Variants in GRIA4 observed in about 807,000 individuals in gnomAD.
The protein encoded by GRIA4 is glutamate receptor 4.
Under a neutral mutation model 104.0 loss-of-function variants are expected in GRIA4, and 34 were observed. The ratio of observed to expected loss-of-function variants is 0.33; its 90% CI spans 0.25 to 0.44. The LOEUF (loss-of-function observed/expected upper bound fraction) is 0.44. GRIA4 is among the 20% of genes least tolerant of loss of function. GRIA4 has a pLI of 1.00. For synonymous variants in GRIA4, 386 were observed against 381.9 expected, an observed-to-expected ratio of 1.01 and a Z score of -0.13; for missense variants, 750 against 1,096.5, an observed-to-expected ratio of 0.68 and a Z score of 4.46.
In GRIA4 at chr11:105,854,065, C is replaced by T. The variant is rs114562745; in HGVS notation, c.488-7959C>T. On this transcript the variant is annotated intron_variant, in intron 4 of 16. Coordinates refer to ENST00000282499, the MANE Select transcript of GRIA4 (RefSeq NM_000829.4). ...ATTATCCAAAACTATTTATCGAGTC[C>T]CTTTTAGATGCCAAGTCTTCTTCTA... is the stretch of plus-strand genomic sequence containing the variant. 3.3e-3 allele frequency among the ~76,000 whole-genome samples: 495 copies of T among 152,168 alleles called. 2 individuals carry two copies. Among genetic ancestry groups the T allele is most frequent in the African/African-American group, 0.012 (479 of 41,496 alleles).
intron 4 of GRIA4, among the ~76,000 whole-genome samples, chr11:105,837,517 A>T (rs1344143261): frequency 6.6e-6 from 1 of 152,148 alleles, no homozygotes; most frequent in African/African-American, 2.4e-5. Flanking sequence ...AAGGAGGTAG[A>T]TCTTTCCAGA....
intron 5 of GRIA4, among the ~76,000 whole-genome samples, chr11:105,883,390 T>G (rs1310600299): frequency 6.6e-6 from 1 of 151,746 alleles, no homozygotes; most frequent in Non-Finnish European, 1.5e-5. Flanking sequence ...AACTTCTCAT[T>G]TACATTAGGT....
chr11:105,874,818 G>A (rs1454515644), intron 5 of GRIA4, among the ~76,000 whole-genome samples: 1 of 152,180 alleles, frequency 6.6e-6, no homozygotes, highest in African/African-American at 2.4e-5. Flanking sequence ...TTTGGGCTGA[G>A]AAGATGGGGT....
At chr11:105,713,203 T>C (rs2135553905) in intron 3 of GRIA4, among the ~76,000 whole-genome samples, 1 of 152,074 alleles carries the variant, frequency 6.6e-6, no homozygotes, top group Middle Eastern at 3.4e-3. Flanking sequence ...GCCAACATGG[T>C]GAAACGCTGT....
chr11:105,802,994 A>G (rs573804906), intron 4 of GRIA4, among the ~76,000 whole-genome samples: 20 of 152,118 alleles, frequency 1.3e-4, no homozygotes, highest in African/African-American at 4.6e-4. Context: ...TTTGACTTAA[A>G]TCACAGTAAC....
intron 3 of GRIA4, among the ~76,000 whole-genome samples, chr11:105,645,554 C>A (rs1951502238): frequency 6.6e-6 from 1 of 151,970 alleles, no homozygotes; most frequent in South Asian, 2.1e-4. Context: ...GTGGAATTGC[C>A]CAGATTAAGA....
At chr11:105,948,510 A>T (rs1183989326) in intron 14 of GRIA4, among the ~76,000 whole-genome samples, 1 of 151,574 alleles carries the variant, frequency 6.6e-6, no homozygotes, top group East Asian at 1.9e-4. Context: ...TTTTTAAAAT[A>T]AAAATAAATT....
In GRIA4 at chr11:105,924,705, A is replaced by T; in HGVS notation, c.1783A>T (p.Ile595Phe). 1 of 1,612,442 alleles carries T rather than the reference A, an allele frequency of 6.2e-7. No individual in the cohort carries two copies. The highest frequency in any genetic ancestry group is 8.5e-7 in the Non-Finnish European group (1 of 1,178,808). ...CGACCAGCCTCCCAATGAGTTTGGC[A>T]TCTTTAACAGCCTCTGGTTTTCCCT... ...PSDQPPNEFG[I>F]FNSLWFSLGA... The change falls in exon 12 of 17, where the codon ATC becomes TTC. Residue 595 changes from isoleucine to phenylalanine, a missense_variant. Transcript: ENST00000282499.
rs183201494 is a variant in GRIA4, at chr11:105,846,994, G to A, written c.488-15030G>A. The stretch of plus-strand genomic sequence containing the variant: ...AACGGTCCCCAATCTTTTTGGCACC[G>A]GGGACCGGTTTCCTGGAAGACAATT... On this transcript the variant is annotated intron_variant, in intron 4 of 16. Coordinates refer to ENST00000282499, the MANE Select transcript of GRIA4 (RefSeq NM_000829.4). Among the ~76,000 whole-genome samples the A allele has an allele frequency of 1.6e-4, 25 of 152,236 alleles. No homozygotes were observed. The East Asian group carries it at 3.3e-3, about 20-fold the overall frequency.
chr11:105,824,097 T>C (rs574405777), intron 4 of GRIA4, among the ~76,000 whole-genome samples: 82 of 152,200 alleles, frequency 5.4e-4, no homozygotes, highest in Non-Finnish European at 8.7e-4. Flanking sequence ...GGACTTCTAA[T>C]CTCCGGAACT....
intron 4 of GRIA4, among the ~76,000 whole-genome samples, chr11:105,810,039 T>C (rs1451109141): frequency 6.6e-6 from 1 of 152,134 alleles, no homozygotes; most frequent in Non-Finnish European, 1.5e-5. Context: ...TTGATAACAA[T>C]TCATTGGTTT....
At chr11:105,635,856 A>G (rs1951188316) in intron 3 of GRIA4, among the ~76,000 whole-genome samples, 1 of 152,208 alleles carries the variant, frequency 6.6e-6, no homozygotes, top group Non-Finnish European at 1.5e-5. Flanking sequence ...ACTGTTTTCT[A>G]TAAATCTTAT....
intron 4 of GRIA4, among the ~76,000 whole-genome samples, chr11:105,846,434 C>A (rs1009568066): frequency 1.6e-4 from 25 of 151,910 alleles, no homozygotes; most frequent in Admixed American, 1.3e-3. Context: ...GCTTAATATA[C>A]AATGAATGCA....
intron 15 of GRIA4, among the ~76,000 whole-genome samples, chr11:105,972,756 A>G (rs1858766078): frequency 6.6e-6 from 1 of 152,282 alleles, no homozygotes; most frequent in African/African-American, 2.4e-5. Context: ...TTTTTTAAAA[A>G]AATTACAAGT....
intron 6 of GRIA4, 85 bp from the exon 7 acceptor site, chr11:105,898,184 T>G (rs1460956651): frequency 1.1e-5 from 7 of 648,962 alleles, no homozygotes; most frequent in Non-Finnish European, 1.9e-5. Flanking sequence ...TTTTAATATG[T>G]ATAGGTTATT....
At chr11:105,673,078 G>A (rs1307097451) in intron 3 of GRIA4, among the ~76,000 whole-genome samples, 1 of 151,936 alleles carries the variant, frequency 6.6e-6, no homozygotes, top group African/African-American at 2.4e-5. Flanking sequence ...TCCAGATGTG[G>A]CTGAAAAAGT....
intron 3 of GRIA4, among the ~76,000 whole-genome samples, chr11:105,751,495 A>T (rs749575987): frequency 9.9e-5 from 15 of 152,192 alleles, no homozygotes; most frequent in Non-Finnish European, 1.9e-4. Flanking sequence ...AGCCAGTCAC[A>T]TTGTCAGAGC....
At chr11:105,925,104 C>A (rs1947668374) in intron 12 of GRIA4, among the ~76,000 whole-genome samples, 1 of 151,976 alleles carries the variant, frequency 6.6e-6, no homozygotes, top group African/African-American at 2.4e-5. Context: ...TTTTAAAAAA[C>A]AAACACTTTT....
intron 4 of GRIA4, among the ~76,000 whole-genome samples, chr11:105,771,889 T>C (rs959472867): frequency 2.6e-5 from 4 of 152,020 alleles, no homozygotes; most frequent in Non-Finnish European, 5.9e-5. Flanking sequence ...TACAATAAAA[T>C]ATATATAAAT....
Sources: gnomAD v4.1 joint callset for allele counts (sites outside exome capture counted in the v4.1 genomes callset) on GRCh38, gnomAD v4.1.1 for gene constraint, MANE v1.5 for transcripts, NCBI Gene and HGNC (gene_info 2026-07-23, HGNC 2026-07-21) for gene names.